Variants in ANGPT1 observed in about 807,000 individuals in gnomAD.
The protein encoded by ANGPT1 is angiopoietin 1, also known as angiopoietin-1.
In ANGPT1, 17 loss-of-function variants were observed where a neutral mutation model predicts 62.2. That is an observed-to-expected ratio of 0.27 (90% CI 0.19 to 0.41). ANGPT1 has a LOEUF of 0.41. ANGPT1 is among the 10% of genes least tolerant of loss of function. ANGPT1 has a pLI of 1.00. For synonymous variants in ANGPT1, 199 were observed against 198.9 expected, an observed-to-expected ratio of 1.00 and a Z score of 0.00; for missense variants, 478 against 594.9, an observed-to-expected ratio of 0.80 and a Z score of 2.04.
At chr8:107,492,625 C>A (rs1812992647) in intron 1 of ANGPT1, among the ~76,000 whole-genome samples, 1 of 136,756 alleles carries the variant, frequency 7.3e-6, no homozygotes, top group Non-Finnish European at 1.6e-5. Context: ...GTGTGAGCCA[C>A]CACGCCCGGC....
intron 1 of ANGPT1, among the ~76,000 whole-genome samples, chr8:107,427,674 T>C (rs1368099778): frequency 2.0e-5 from 3 of 152,242 alleles, no homozygotes; most frequent in Non-Finnish European, 4.4e-5. Context: ...GAAGGTCTCT[T>C]TCTTCCTCCT....
chr8:107,388,300 A>T (rs1816771687), intron 1 of ANGPT1, among the ~76,000 whole-genome samples: 2 of 152,100 alleles, frequency 1.3e-5, no homozygotes, highest in Non-Finnish European at 1.5e-5. Flanking sequence ...CTACGGTCCT[A>T]GCTACTTCAG....
In ANGPT1 at chr8:107,251,007, T is replaced by G. The variant is rs1450955747; in HGVS notation, c.*848A>C. ...TTATTTTAAGAACTTGATGATATAT[T>G]TTACATTCTTTTAACTTTACTCAGG... On this transcript the variant is annotated 3_prime_UTR_variant, in exon 9 of 9. Coordinates refer to ENST00000517746, the MANE Select transcript of ANGPT1 (RefSeq NM_001146.5). 6.6e-6 allele frequency: 1 copy of G among 152,094 alleles called. No homozygotes were observed. The highest frequency in any genetic ancestry group is 1.5e-5 in the Non-Finnish European group (1 of 67,984). The allele number at this position is 152,094 out of a possible 1,614,324, so 9.4% of individuals were successfully genotyped here.
chr8:107,415,113 C>A (rs74928380), intron 1 of ANGPT1, among the ~76,000 whole-genome samples: 1 of 152,072 alleles, frequency 6.6e-6, no homozygotes, highest in Non-Finnish European at 1.5e-5. Context: ...AAAACCAACA[C>A]GATTTAAAGA....
chr8:107,388,717 C>T (rs1816780072), intron 1 of ANGPT1, among the ~76,000 whole-genome samples: 1 of 152,122 alleles, frequency 6.6e-6, no homozygotes. Flanking sequence ...CAGTAACATT[C>T]TGTATCCTGG....
intron 1 of ANGPT1, among the ~76,000 whole-genome samples, chr8:107,462,028 G>A (rs1812084152): frequency 6.6e-6 from 1 of 151,994 alleles, no homozygotes; most frequent in Non-Finnish European, 1.5e-5. Flanking sequence ...TGAGTGCTTT[G>A]CCTTGGACTA....
At chr8:107,455,770 A>G (rs1285447254) in intron 1 of ANGPT1, among the ~76,000 whole-genome samples, 1 of 152,084 alleles carries the variant, frequency 6.6e-6, no homozygotes, top group Non-Finnish European at 1.5e-5. Context: ...TTGCAATAGA[A>G]GAGGCAGTGA....
chr8:107,402,779 A>G (rs1444692876), intron 1 of ANGPT1, among the ~76,000 whole-genome samples: 1 of 152,336 alleles, frequency 6.6e-6, no homozygotes, highest in Middle Eastern at 3.4e-3. Context: ...AGAATAAAAA[A>G]TAAAATCATA....
chr8:107,330,764 A>T lies in ANGPT1; in HGVS notation c.575+5386T>A, dbSNP rs140545146. On this transcript the variant is annotated intron_variant, in intron 3 of 8. Transcript: ENST00000517746. ...TTTAGAAGATGGAATTGATAGCATC[A>T]ACAGTGACTGGTGAGTTGTGGGGGA... is the stretch of plus-strand genomic sequence containing the variant. Among the ~76,000 whole-genome samples, 1,009 of 152,270 alleles carry T rather than the reference A, an allele frequency of 6.6e-3. 12 individuals carry two copies. Among genetic ancestry groups the T allele is most frequent in the African/African-American group, 0.023 (970 of 41,558 alleles).
chr8:107,292,177 T>A (rs1216990521), intron 6 of ANGPT1, among the ~76,000 whole-genome samples: 4 of 152,154 alleles, frequency 2.6e-5, no homozygotes, highest in Non-Finnish European at 1.5e-5. Flanking sequence ...CTCCATCCAG[T>A]TAACTAAAAT....
chr8:107,359,319 T>C (rs970303513), intron 1 of ANGPT1, among the ~76,000 whole-genome samples: 23 of 152,184 alleles, frequency 1.5e-4, no homozygotes, highest in African/African-American at 5.1e-4. Context: ...CCAGGGTCTC[T>C]TCTCTAAGGA....
At chr8:107,481,353 T>G (rs572004224) in intron 1 of ANGPT1, among the ~76,000 whole-genome samples, 1 of 151,564 alleles carries the variant, frequency 6.6e-6, no homozygotes, top group Non-Finnish European at 1.5e-5. Context: ...GCCAACATGG[T>G]GAAAGCCCAT....
chr8:107,353,015 T>C (rs1031697116), intron 1 of ANGPT1, among the ~76,000 whole-genome samples: 1 of 152,184 alleles, frequency 6.6e-6, no homozygotes, highest in Non-Finnish European at 1.5e-5. Context: ...GGGATTTCTA[T>C]TATTAGATCT....
chr8:107,484,001 T>C (rs530488376), intron 1 of ANGPT1, among the ~76,000 whole-genome samples: 2 of 152,350 alleles, frequency 1.3e-5, no homozygotes, highest in East Asian at 1.9e-4. Context: ...TCAGGCTTCT[T>C]ACAGCAATTT....
chr8:107,349,305 T>G (rs948288797), intron 1 of ANGPT1, among the ~76,000 whole-genome samples: 4 of 152,104 alleles, frequency 2.6e-5, no homozygotes, highest in Admixed American at 1.3e-4. Flanking sequence ...TCTAACAGTC[T>G]CCCATTGAGC....
intron 1 of ANGPT1, among the ~76,000 whole-genome samples, chr8:107,367,224 T>G (rs957468525): frequency 6.6e-6 from 1 of 152,228 alleles, no homozygotes; most frequent in African/African-American, 2.4e-5. Flanking sequence ...CTTTTTGGTT[T>G]CTCAGTGCAT....
chr8:107,425,181 T>C lies in ANGPT1; in HGVS notation c.297+72081A>G, dbSNP rs533305837. 5.9e-5 allele frequency among the ~76,000 whole-genome samples: 9 copies of C among 152,328 alleles called. No individual in the cohort carries two copies. The South Asian group carries it at 1.9e-3, about 32-fold the overall frequency. ...AGCCGCTGCACCCAGCCAGAAAGAC[T>C]ATTCTTAAAGCATTCCTTTCTATGC... On this transcript the variant is annotated intron_variant, in intron 1 of 8. Transcript: ENST00000517746.
chr8:107,374,504 T>C (rs569251725), intron 1 of ANGPT1, among the ~76,000 whole-genome samples: 39 of 152,224 alleles, frequency 2.6e-4, no homozygotes, highest in South Asian at 1.2e-3. Context: ...AGGGTGTAAG[T>C]GGGGGACGAA....
At chr8:107,459,570 G>A (rs1476434810) in intron 1 of ANGPT1, among the ~76,000 whole-genome samples, 2 of 152,108 alleles carry the variant, frequency 1.3e-5, no homozygotes, top group Non-Finnish European at 2.9e-5. Flanking sequence ...ATGTGGGAAC[G>A]AGGAATGCAT....
Sources: gnomAD v4.1 joint callset for allele counts (sites outside exome capture counted in the v4.1 genomes callset) on GRCh38, gnomAD v4.1.1 for gene constraint, MANE v1.5 for transcripts, NCBI Gene and HGNC (gene_info 2026-07-23, HGNC 2026-07-21) for gene names.